Variants in LARGE1 observed in about 807,000 individuals in gnomAD.
LARGE1 encodes xylosyl- and glucuronyltransferase LARGE1.
In LARGE1, 43 loss-of-function variants were observed where a neutral mutation model predicts 87.6. The ratio of observed to expected loss-of-function variants is 0.49; its 90% CI spans 0.38 to 0.63. LARGE1 has a LOEUF of 0.63. LARGE1 is among the 30% of genes least tolerant of loss of function. LARGE1 has a pLI of 0.00. For synonymous variants in LARGE1, 434 were observed against 394.6 expected, an observed-to-expected ratio of 1.10 and a Z score of -1.18; for missense variants, 802 against 1,000.2, an observed-to-expected ratio of 0.80 and a Z score of 2.67.
chr22:33,860,296 T>C (rs1394095354), intron 1 of LARGE1, among the ~76,000 whole-genome samples: 1 of 152,138 alleles, frequency 6.6e-6, no homozygotes, highest in Non-Finnish European at 1.5e-5. Flanking sequence ...CTGGCCTTTT[T>C]TGAATTTTTT....
rs141125780 is a variant in LARGE1 at position 33,604,545 on chromosome 22, G to A, written c.505C>T (p.His169Tyr). The change falls in exon 5 of 15, where the codon CAC (histidine) becomes TAC (tyrosine). Residue 169 changes from histidine to tyrosine, a missense_variant. His to Tyr is a moderately conservative substitution (Grantham distance 83). Around this residue, in one of 2 missense-constraint regions of LARGE1, gnomAD observed 625 missense variants for 841.9 expected, o/e 0.74. Coordinates refer to ENST00000397394, the MANE Select transcript of LARGE1 (RefSeq NM_133642.5). Reference sequence around the variant, plus strand: ...ATGGAGTCAGCAATAAGGTGGAAGTGCAGAGGGTTCCGTCTGTGGGGAGTG... The same window carrying A: ...ATGGAGTCAGCAATAAGGTGGAAGTACAGAGGGTTCCGTCTGTGGGGAGTG... ...SVLFHRRNPL[H>Y]FHLIADSIAE... 6.2e-7 allele frequency: 1 copy of A among 1,614,142 alleles called. No homozygotes were observed. Among genetic ancestry groups the A allele is most frequent in the African/African-American group, 1.3e-5 (1 of 75,052 alleles).
Position 33,755,184 on chromosome 22 carries a change from T to C in LARGE1, c.106+6187A>G, listed in dbSNP as rs368251271. Among the ~76,000 whole-genome samples the C allele has an allele frequency of 1.2e-4, 18 of 152,332 alleles. No individual in the cohort carries two copies. The East Asian group carries it at 3.3e-3, about 28-fold the overall frequency. ...ACATTCATTTCAGAGGGGGTTCATG[T>C]TGATAAAAATGGAAGCAACAGGGAA... On this transcript the variant is annotated intron_variant, in intron 2 of 14. Coordinates refer to ENST00000397394, the MANE Select transcript of LARGE1 (RefSeq NM_133642.5).
intron 6 of LARGE1, among the ~76,000 whole-genome samples, chr22:33,447,809 G>A (rs1239275686): frequency 6.6e-6 from 1 of 152,108 alleles, no homozygotes; most frequent in Non-Finnish European, 1.5e-5. Context: ...GAGAGTGGGT[G>A]GAAGGAGGAA....
chr22:33,300,505 C>G (rs954947027), intron 12 of LARGE1, among the ~76,000 whole-genome samples: 1 of 152,192 alleles, frequency 6.6e-6, no homozygotes, highest in East Asian at 1.9e-4. Flanking sequence ...CCTCCCAAGT[C>G]GCTGAAACAA....
At chr22:33,142,822 T>G in the LARGE1 span, among the ~76,000 whole-genome samples, 1 of 152,126 alleles carries the variant, frequency 6.6e-6, no homozygotes, top group Non-Finnish European at 1.5e-5. Flanking sequence ...TTAACTTGGG[T>G]TTACCTTGGC....
At chr22:33,891,038 A>G (rs1469005437) in intron 1 of LARGE1, among the ~76,000 whole-genome samples, 1 of 9,000 alleles carries the variant, frequency 1.1e-4, no homozygotes, top group Non-Finnish European at 1.7e-4. Context: ...GGGAAGCTGC[A>G]TACGGTTCTG....
intron 6 of LARGE1, among the ~76,000 whole-genome samples, chr22:33,449,528 A>G (rs76739323): frequency 0.04 from 6,143 of 152,298 alleles, 158 homozygotes; most frequent in Non-Finnish European, 0.052. Flanking sequence ...GACTCCAAAG[A>G]TGGTATGTAC....
chr22:33,417,669 G>A (rs553829068), intron 7 of LARGE1, among the ~76,000 whole-genome samples: 5 of 152,260 alleles, frequency 3.3e-5, no homozygotes, highest in East Asian at 1.9e-4. Flanking sequence ...CAAAGTCAAG[G>A]TGCAGCCATC....
At chr22:33,301,268 T>G (rs1934102222) in intron 12 of LARGE1, among the ~76,000 whole-genome samples, 1 of 152,186 alleles carries the variant, frequency 6.6e-6, no homozygotes. Flanking sequence ...TATTTGGGGC[T>G]TCCGAGAGAA....
chr22:33,300,581 GC>G (rs1201368241), intron 12 of LARGE1, among the ~76,000 whole-genome samples: 1 of 151,926 alleles, frequency 6.6e-6, no homozygotes, highest in East Asian at 1.9e-4. Context: ...TCACTCTGTT[GC>G]CAGGCTGGAG....
chr22:33,668,225 G>C (rs2081318537), intron 2 of LARGE1, among the ~76,000 whole-genome samples: 1 of 152,198 alleles, frequency 6.6e-6, no homozygotes, highest in Admixed American at 6.5e-5. Context: ...CAGTTTAACT[G>C]GTGCAATCAG....
At chr22:33,573,106 T>A (rs1010958096) in intron 5 of LARGE1, among the ~76,000 whole-genome samples, 2 of 152,066 alleles carry the variant, frequency 1.3e-5, no homozygotes, top group Admixed American at 1.3e-4. Context: ...TGTTAACTGT[T>A]AATATTATGA....
intron 6 of LARGE1, among the ~76,000 whole-genome samples, chr22:33,449,064 A>C (rs766376344): frequency 1.3e-5 from 2 of 152,102 alleles, no homozygotes; most frequent in Non-Finnish European, 2.9e-5. Context: ...AATCCATCCA[A>C]GTGTTATGTG....
At chr22:33,371,056 CAT>C (rs1205755052) in intron 9 of LARGE1, among the ~76,000 whole-genome samples, 4 of 149,372 alleles carry the variant, frequency 2.7e-5, no homozygotes, top group Non-Finnish European at 5.9e-5. Flanking sequence ...ACGAATAATA[CAT>C]GTTATAGAAT....
chr22:33,586,527 G>A (rs1477002554), intron 5 of LARGE1, among the ~76,000 whole-genome samples: 4 of 150,130 alleles, frequency 2.7e-5, no homozygotes, highest in East Asian at 2.0e-4. Context: ...ACGATCTCTC[G>A]GCTCACGGCA....
chr22:33,425,916 T>C (rs2066860031), intron 7 of LARGE1, among the ~76,000 whole-genome samples: 1 of 152,128 alleles, frequency 6.6e-6, no homozygotes. Flanking sequence ...TATTTATTTA[T>C]TTTGTATTTT....
In LARGE1 at chr22:33,650,676, G is replaced by A. The variant is rs1006989010; in HGVS notation, c.107-8C>T. ...GAGACACGGGCTTTCCATCTGGGGA[G>A]CGAAACACCAGGGAAGCTTTAATCT... is the stretch of plus-strand genomic sequence containing the variant. On this transcript the variant is annotated splice_polypyrimidine_tract_variant and splice_region_variant and intron_variant, in intron 2 of 14. Coordinates refer to ENST00000397394, the MANE Select transcript of LARGE1 (RefSeq NM_133642.5). 5 of 1,598,922 alleles carry A rather than the reference G, an allele frequency of 3.1e-6. No homozygotes were observed. In the African/African-American group the frequency reaches 6.7e-5, roughly 21 times the overall value.
chr22:33,494,157 G>T (rs1275850702), intron 6 of LARGE1, among the ~76,000 whole-genome samples: 2 of 152,210 alleles, frequency 1.3e-5, no homozygotes, highest in Admixed American at 6.5e-5. Context: ...AAGCTGTGCT[G>T]AGAGAAAGCT....
At chr22:33,895,212 T>G (rs1004738473) in intron 1 of LARGE1, among the ~76,000 whole-genome samples, 1 of 152,096 alleles carries the variant, frequency 6.6e-6, no homozygotes, top group African/African-American at 2.4e-5. Flanking sequence ...TAACTATGAA[T>G]GCACTTGAGC....
Sources: gnomAD v4.1 joint callset for allele counts (sites outside exome capture counted in the v4.1 genomes callset) on GRCh38, gnomAD v4.1.1 for gene constraint, gnomAD v4.1.1 regional missense constraint, MANE v1.5 for transcripts, NCBI Gene and HGNC (gene_info 2026-07-23, HGNC 2026-07-21) for gene names.